The following PDE8B variants were observed in gnomAD, a reference collection of about 807,000 sequenced individuals.
PDE8B encodes phosphodiesterase 8B.
A neutral mutation model predicts 101.3 loss-of-function variants in PDE8B; 26 were observed. That is an observed-to-expected ratio of 0.26 (90% confidence interval 0.19 to 0.36). The LOEUF (loss-of-function observed/expected upper bound fraction) is 0.36. Ranked by LOEUF, PDE8B falls within the 10% of genes least tolerant of loss-of-function variation. The pLI is 1.00. For synonymous variants in PDE8B, 424 were observed against 429.3 expected, an observed-to-expected ratio of 0.99 and a Z score of 0.15; for missense variants, 810 against 1,163.1, an observed-to-expected ratio of 0.70 and a Z score of 4.42.
At chr5:77,120,975 G>A in the PDE8B span, among the ~76,000 whole-genome samples, 1 of 152,204 alleles carries the variant, frequency 6.6e-6, no homozygotes, top group Non-Finnish European at 1.5e-5. Flanking sequence ...TGTGTAGCTG[G>A]TCAAAGCCTA....
the PDE8B span, among the ~76,000 whole-genome samples, chr5:77,192,135 G>A: frequency 2.0e-5 from 3 of 152,196 alleles, no homozygotes; most frequent in African/African-American, 7.2e-5. Context: ...CTCCTGCTAT[G>A]TGGCCCAGTT....
the PDE8B span, among the ~76,000 whole-genome samples, chr5:77,173,854 A>T: frequency 5.9e-5 from 9 of 152,078 alleles, no homozygotes; most frequent in African/African-American, 1.9e-4. Flanking sequence ...TTTATTTTCT[A>T]TGAGAACATT....
At chr5:77,262,105 C>G (rs1249488665) in intron 1 of PDE8B, among the ~76,000 whole-genome samples, 4 of 151,834 alleles carry the variant, frequency 2.6e-5, no homozygotes. Context: ...TAAATAGTAA[C>G]AGTATACTTC....
the PDE8B span, among the ~76,000 whole-genome samples, chr5:77,093,567 T>C: frequency 6.6e-6 from 1 of 152,160 alleles, no homozygotes; most frequent in Non-Finnish European, 1.5e-5. Context: ...AATTTTTCAG[T>C]GAGAATCGTG....
the PDE8B span, among the ~76,000 whole-genome samples, chr5:77,108,301 T>A: frequency 6.6e-6 from 1 of 152,242 alleles, no homozygotes. Context: ...TCATTTTAAA[T>A]TCTATTCTTG....
At chr5:77,332,563 C>CA (rs1457697404) in intron 5 of PDE8B, among the ~76,000 whole-genome samples, 4 of 152,168 alleles carry the variant, frequency 2.6e-5, no homozygotes, top group Non-Finnish European at 4.4e-5. Flanking sequence ...CCCGGCCGGG[C>CA]ACGGTGGCTC....
At chr5:77,257,818 TC>T (rs1286497441) in intron 1 of PDE8B, among the ~76,000 whole-genome samples, 1 of 151,996 alleles carries the variant, frequency 6.6e-6, no homozygotes, top group African/African-American at 2.4e-5. Flanking sequence ...ATGCTCTCCC[TC>T]CCCCATCCCC....
chr5:77,169,049 C>T, the PDE8B span, among the ~76,000 whole-genome samples: 3 of 152,208 alleles, frequency 2.0e-5, no homozygotes, highest in Non-Finnish European at 4.4e-5. Flanking sequence ...CCAAGAAGCA[C>T]AAGGACAGCC....
At chr5:77,276,594 G>A (rs1763895364) in intron 1 of PDE8B, among the ~76,000 whole-genome samples, 9 of 152,144 alleles carry the variant, frequency 5.9e-5, no homozygotes. Context: ...TCATTTATCT[G>A]TTCAGCATCA....
chr5:77,123,873 A>G, the PDE8B span, among the ~76,000 whole-genome samples: 1 of 152,230 alleles, frequency 6.6e-6, no homozygotes, highest in Non-Finnish European at 1.5e-5. Flanking sequence ...ACCAATAACC[A>G]GAGTTCACAC....
intron 1 of PDE8B, among the ~76,000 whole-genome samples, chr5:77,274,084 C>G (rs1053660508): frequency 6.6e-6 from 1 of 152,112 alleles, no homozygotes; most frequent in African/African-American, 2.4e-5. Context: ...GGCCTCCCAA[C>G]GTGATGGGAT....
chr5:77,427,661 T>G lies in PDE8B; in HGVS notation c.*1107T>G, dbSNP rs1798389928. 6.6e-6 allele frequency: 1 copy of G among 152,204 alleles called. No individual in the cohort carries two copies. The highest frequency in any genetic ancestry group is 2.1e-4 in the South Asian group (1 of 4,830). 9.4% of individuals were successfully genotyped at this position (152,204 alleles called of 1,614,324 possible). A position where few individuals can be genotyped will look rare whatever the true frequency, so the allele number is the denominator to read the frequency against. On this transcript the variant is annotated 3_prime_UTR_variant, in exon 22 of 22. Transcript: ENST00000264917. ...TATGGGGAGGCAGTAAATACTATTT[T>G]AAGCTATTAATTGTATGCTAAAAGC...
chr5:77,404,571 GAA>G (rs1793039103), intron 11 of PDE8B, 147 bp from the exon 12 acceptor site: 1 of 617,734 alleles, frequency 1.6e-6, no homozygotes, highest in South Asian at 1.8e-5. Context: ...GATTTGAAAA[GAA>G]AGTGGTTGAC....
chr5:77,333,635 C>G (rs1408075676), intron 5 of PDE8B, among the ~76,000 whole-genome samples: 1 of 152,208 alleles, frequency 6.6e-6, no homozygotes, highest in African/African-American at 2.4e-5. Context: ...TCAAACTGGT[C>G]TAGAATTGCT....
chr5:77,125,119 G>A, the PDE8B span, among the ~76,000 whole-genome samples: 1 of 152,048 alleles, frequency 6.6e-6, no homozygotes, highest in Non-Finnish European at 1.5e-5. Context: ...CAGCCTCTGG[G>A]GTAGCTGGGA....
At chr5:77,367,012 C>T (rs1784262879) in intron 10 of PDE8B, among the ~76,000 whole-genome samples, 1 of 151,524 alleles carries the variant, frequency 6.6e-6, no homozygotes. Flanking sequence ...CCCCTTGGGG[C>T]CTCTCAACTC....
chr5:77,318,541 C>A (rs1774335945), intron 2 of PDE8B, among the ~76,000 whole-genome samples: 1 of 152,134 alleles, frequency 6.6e-6, no homozygotes, highest in African/African-American at 2.4e-5. Flanking sequence ...AGGGATAATG[C>A]CCAACTCCAA....
chr5:77,135,904 T>C, the PDE8B span, among the ~76,000 whole-genome samples: 518 of 152,228 alleles, frequency 3.4e-3, 4 homozygotes, highest in African/African-American at 0.011. Flanking sequence ...GGCATGAGCA[T>C]TGGCAAATTT....
chr5:77,362,416 G>T (rs1783277274), intron 10 of PDE8B, among the ~76,000 whole-genome samples: 1 of 152,158 alleles, frequency 6.6e-6, no homozygotes, highest in African/African-American at 2.4e-5. Context: ...CATACATGAT[G>T]GTAAGCTATA....
Sources: gnomAD v4.1 joint callset for allele counts (sites outside exome capture counted in the v4.1 genomes callset) on GRCh38, gnomAD v4.1.1 for gene constraint, MANE v1.5 for transcripts, NCBI Gene and HGNC (gene_info 2026-07-23, HGNC 2026-07-21) for gene names.